UNC13C: variants seen among roughly 807,000 people sequenced by gnomAD.
The protein encoded by UNC13C is protein unc-13 homolog C.
In UNC13C, 174 loss-of-function variants were observed where a neutral mutation model predicts 245.4. The observed-to-expected ratio is 0.71, with a 90% CI of 0.63 to 0.80. The LOEUF (loss-of-function observed/expected upper bound fraction) is 0.80, where lower values mean the gene tolerates loss of function less well. Among genes scored for constraint, UNC13C ranks in the 30% least tolerant of loss-of-function variants. The pLI is 0.00. For missense variants in UNC13C, 2,829 were observed against 2,602.9 expected (o/e 1.09, Z -1.89); for synonymous variants, 992 against 895.1 (o/e 1.11, Z -1.93).
At chr15:54,444,300 T>C (rs1046580495) in intron 19 of UNC13C, among the ~76,000 whole-genome samples, 1 of 151,040 alleles carries the variant, frequency 6.6e-6, no homozygotes, top group African/African-American at 2.4e-5. Flanking sequence ...TACACAAATA[T>C]ATGTCATATA....
At position 54,013,187 on chromosome 15, in the gene UNC13C, G is replaced by T; in HGVS notation, c.284G>T (p.Arg95Leu). ...EFSLSPTFSY[R>L]VAIANGLQKN... ...TCCCTCTCACCAACATTCAGTTACC[G>T]AGTAGCTATTGCCAATGGCCTACAA... Residue 95 changes from arginine to leucine, a missense_variant, in exon 2 of 33, where the codon CGA becomes CTA. Arg to Leu is a moderately radical substitution (Grantham distance 102). Coordinates refer to ENST00000260323, the MANE Select transcript of UNC13C (RefSeq NM_001080534.3). 6.2e-7 allele frequency: 1 copy of T among 1,613,762 alleles called. No individual in the cohort carries two copies. Among genetic ancestry groups the T allele is most frequent in the South Asian group, 1.1e-5 (1 of 91,064 alleles).
At chr15:54,226,295 A>G (rs145466278) in intron 4 of UNC13C, among the ~76,000 whole-genome samples, 1 of 152,306 alleles carries the variant, frequency 6.6e-6, no homozygotes, top group African/African-American at 2.4e-5. Context: ...AGGTTCTGGT[A>G]TCAGGATGAG....
chr15:54,067,028 CT>C (rs1455918808), intron 2 of UNC13C, among the ~76,000 whole-genome samples: 1 of 152,040 alleles, frequency 6.6e-6, no homozygotes, highest in Non-Finnish European at 1.5e-5. Context: ...TTTTGACAGT[CT>C]TTTAGCTTAT....
chr15:54,047,133 A>G (rs1394089252), intron 2 of UNC13C, among the ~76,000 whole-genome samples: 2 of 152,142 alleles, frequency 1.3e-5, no homozygotes, highest in Admixed American at 1.3e-4. Context: ...AAACAGGTTT[A>G]TCATTTAAGA....
intron 8 of UNC13C, among the ~76,000 whole-genome samples, chr15:54,263,923 C>G (rs1229175212): frequency 1.3e-5 from 2 of 151,994 alleles, no homozygotes; most frequent in African/African-American, 4.8e-5. Context: ...TAATTTAGTT[C>G]AGTAATACAA....
intron 20 of UNC13C, among the ~76,000 whole-genome samples, chr15:54,495,975 A>G (rs1350558358): frequency 2.6e-5 from 4 of 152,020 alleles, no homozygotes. Flanking sequence ...TTAGTTAAGT[A>G]GGAGGAATGA....
chr15:54,043,608 T>C (rs910303476), intron 2 of UNC13C, among the ~76,000 whole-genome samples: 3 of 152,188 alleles, frequency 2.0e-5, no homozygotes, highest in Admixed American at 1.3e-4. Flanking sequence ...GGTGATTCAT[T>C]TGGTTCTTGT....
intron 29 of UNC13C, 132 bp downstream of exon 29, chr15:54,555,644 A>G: frequency 3.0e-6 from 2 of 670,782 alleles, no homozygotes; most frequent in Non-Finnish European, 5.0e-6. Context: ...TTGAATAGAT[A>G]TAGGTTGGTG....
chr15:54,514,569 C>T (rs1435901925), intron 24 of UNC13C, among the ~76,000 whole-genome samples: 1 of 152,194 alleles, frequency 6.6e-6, no homozygotes, highest in East Asian at 1.9e-4. Flanking sequence ...TATTAGCTGG[C>T]TTCTAACAAC....
chr15:54,163,990 G>C (rs2033070360), intron 4 of UNC13C, among the ~76,000 whole-genome samples: 1 of 152,108 alleles, frequency 6.6e-6, no homozygotes, highest in Non-Finnish European at 1.5e-5. Context: ...ATTTGGTATG[G>C]TGGGAGTTTG....
chr15:54,056,320 C>A (rs1031722084), intron 2 of UNC13C, among the ~76,000 whole-genome samples: 11 of 152,050 alleles, frequency 7.2e-5, no homozygotes, highest in African/African-American at 2.4e-4. Context: ...AATGCACAAG[C>A]CTCAGTAACC....
chr15:54,054,690 A>G (rs987131121), intron 2 of UNC13C, among the ~76,000 whole-genome samples: 8 of 152,180 alleles, frequency 5.3e-5, no homozygotes, highest in African/African-American at 1.9e-4. Flanking sequence ...ACTATTTTCA[A>G]CTATAAAGGC....
chr15:53,844,190 G>C, the UNC13C span, among the ~76,000 whole-genome samples: 1 of 152,180 alleles, frequency 6.6e-6, no homozygotes, highest in Non-Finnish European at 1.5e-5. Flanking sequence ...CTGTAGATAA[G>C]CATGTTTGTT....
chr15:54,484,082 G>A (rs1452060913), intron 19 of UNC13C, among the ~76,000 whole-genome samples: 12 of 150,048 alleles, frequency 8.0e-5, no homozygotes, highest in African/African-American at 2.7e-4. Context: ...TGGCTTCCCT[G>A]AAAAAAAAAA....
chr15:54,401,867 C>T (rs948407305), intron 18 of UNC13C, among the ~76,000 whole-genome samples: 1 of 152,012 alleles, frequency 6.6e-6, no homozygotes, highest in Non-Finnish European at 1.5e-5. Context: ...TTCTTGGGTT[C>T]CAGTACAATG....
chr15:53,915,181 C>T, the UNC13C span, among the ~76,000 whole-genome samples: 1 of 152,138 alleles, frequency 6.6e-6, no homozygotes, highest in African/African-American at 2.4e-5. Context: ...TGACTCTGGT[C>T]CTACCTGGTT....
chr15:54,075,679 A>G (rs1898576310), intron 2 of UNC13C, among the ~76,000 whole-genome samples: 2 of 151,946 alleles, frequency 1.3e-5, no homozygotes. Context: ...TAATACTATT[A>G]GCAGTATTGA....
intron 4 of UNC13C, among the ~76,000 whole-genome samples, chr15:54,152,315 A>C (rs1013613446): frequency 5.3e-5 from 8 of 152,228 alleles, no homozygotes; most frequent in Non-Finnish European, 1.2e-4. Flanking sequence ...TGAAATTGCT[A>C]GTTAAGAAAC....
intron 17 of UNC13C, among the ~76,000 whole-genome samples, chr15:54,380,494 T>C (rs2039700053): frequency 6.6e-6 from 1 of 152,114 alleles, no homozygotes; most frequent in Non-Finnish European, 1.5e-5. Flanking sequence ...TATACAGTGG[T>C]CAGCTGAATC....
Sources: gnomAD v4.1 joint callset for allele counts (sites outside exome capture counted in the v4.1 genomes callset) on GRCh38, gnomAD v4.1.1 for gene constraint, MANE v1.5 for transcripts, NCBI Gene and HGNC (gene_info 2026-07-23, HGNC 2026-07-21) for gene names.